The following SCHIP1 variants were observed in gnomAD, a reference collection of about 807,000 sequenced individuals.
SCHIP1 encodes schwannomin interacting protein 1, also known as schwannomin-interacting protein 1.
In SCHIP1, 8 loss-of-function variants were observed where a neutral mutation model predicts 29.7. That is an observed-to-expected ratio of 0.27 (90% CI 0.16 to 0.49). The LOEUF (loss-of-function observed/expected upper bound fraction) is 0.49, where lower values mean the gene tolerates loss of function less well. SCHIP1 is among the 20% of genes least tolerant of loss of function. The pLI, the probability that SCHIP1 is intolerant of heterozygous loss-of-function variation, is 0.99. For synonymous variants in SCHIP1, 76 were observed against 94.9 expected (o/e 0.80, Z 1.16); for missense variants, 193 against 294.6 (o/e 0.66, Z 2.52).
At chr3:159,332,861 A>G in the SCHIP1 span, among the ~76,000 whole-genome samples, 28 of 152,352 alleles carry the variant, frequency 1.8e-4, no homozygotes, top group Admixed American at 1.6e-3. Flanking sequence ...ATCAATTACA[A>G]AGCAGTTAAG....
At chr3:159,405,401 A>G in the SCHIP1 span, among the ~76,000 whole-genome samples, 2 of 152,234 alleles carry the variant, frequency 1.3e-5, no homozygotes, top group Non-Finnish European at 2.9e-5. Context: ...TCAAGATAAC[A>G]TAGAGAAGGA....
the SCHIP1 span, among the ~76,000 whole-genome samples, chr3:159,790,021 G>A: frequency 5.9e-5 from 9 of 152,258 alleles, no homozygotes; most frequent in South Asian, 6.2e-4. Flanking sequence ...CGCTCCCACC[G>A]CCAGAAGGGT....
At chr3:159,855,359 C>T (rs907929364) in intron 1 of SCHIP1, among the ~76,000 whole-genome samples, 3 of 152,022 alleles carry the variant, frequency 2.0e-5, no homozygotes, top group Non-Finnish European at 2.9e-5. Flanking sequence ...AAAATAGTTA[C>T]CTAGTATAAA....
the SCHIP1 span, among the ~76,000 whole-genome samples, chr3:159,301,037 G>A: frequency 7.4e-4 from 113 of 152,206 alleles, no homozygotes; most frequent in African/African-American, 2.5e-3. Context: ...GTACTATTAT[G>A]TAGTACCACT....
At chr3:159,334,220 G>A in the SCHIP1 span, among the ~76,000 whole-genome samples, 2 of 152,120 alleles carry the variant, frequency 1.3e-5, no homozygotes, top group Admixed American at 6.6e-5. Context: ...ATCTGAAAGT[G>A]TACGAAGAGG....
chr3:159,846,812 T>C (rs1481245230), intron 1 of SCHIP1, among the ~76,000 whole-genome samples: 18 of 152,212 alleles, frequency 1.2e-4, no homozygotes. Flanking sequence ...GATATAGTTC[T>C]GTTTTTCCAA....
At chr3:159,660,170 T>C in the SCHIP1 span, among the ~76,000 whole-genome samples, 4 of 151,652 alleles carry the variant, frequency 2.6e-5, no homozygotes, top group Admixed American at 2.6e-4. Flanking sequence ...CAGGAAAGAG[T>C]GCTGGGGGCA....
chr3:159,397,424 G>A, the SCHIP1 span, among the ~76,000 whole-genome samples: 2 of 152,118 alleles, frequency 1.3e-5, no homozygotes, highest in Admixed American at 1.3e-4. Flanking sequence ...CAGTCTTTCT[G>A]TTCTTTTTTT....
At chr3:159,318,282 G>A in the SCHIP1 span, among the ~76,000 whole-genome samples, 1 of 152,184 alleles carries the variant, frequency 6.6e-6, no homozygotes, top group South Asian at 2.1e-4. Context: ...CACTCAGAGA[G>A]GTCCATCCAC....
At chr3:159,851,036 G>T (rs376872067) in intron 1 of SCHIP1, among the ~76,000 whole-genome samples, 1 of 152,166 alleles carries the variant, frequency 6.6e-6, no homozygotes, top group Non-Finnish European at 1.5e-5. Context: ...TACTTTTGGA[G>T]GCCAAGATAG....
At chr3:159,413,511 T>C in the SCHIP1 span, among the ~76,000 whole-genome samples, 5 of 152,152 alleles carry the variant, frequency 3.3e-5, no homozygotes, top group Non-Finnish European at 5.9e-5. Flanking sequence ...GAGGGCCCAT[T>C]AAGTGTTCCA....
At chr3:159,733,325 C>G in the SCHIP1 span, among the ~76,000 whole-genome samples, 3 of 152,282 alleles carry the variant, frequency 2.0e-5, no homozygotes, top group East Asian at 3.9e-4. Context: ...ATGTGTTTCT[C>G]TCTAAGATTG....
At chr3:159,748,035 C>A in the SCHIP1 span, among the ~76,000 whole-genome samples, 1 of 152,078 alleles carries the variant, frequency 6.6e-6, no homozygotes, top group East Asian at 1.9e-4. Flanking sequence ...ATTTTATGTC[C>A]ATTTTATTTG....
the SCHIP1 span, among the ~76,000 whole-genome samples, chr3:159,395,218 T>C: frequency 6.6e-6 from 1 of 152,208 alleles, no homozygotes; most frequent in African/African-American, 2.4e-5. Context: ...CTTTTTTTCT[T>C]TATTAGTCTT....
chr3:159,818,883 T>A, the SCHIP1 span, among the ~76,000 whole-genome samples: 1 of 152,402 alleles, frequency 6.6e-6, no homozygotes, highest in South Asian at 2.1e-4. Flanking sequence ...TGTGTGGTCC[T>A]TACCCTCTGT....
At chr3:159,403,166 A>G in the SCHIP1 span, among the ~76,000 whole-genome samples, 1 of 152,172 alleles carries the variant, frequency 6.6e-6, no homozygotes. Context: ...ATAATCAAGA[A>G]ATGTATTTAC....
the SCHIP1 span, among the ~76,000 whole-genome samples, chr3:159,281,621 C>T: frequency 9.9e-5 from 15 of 152,162 alleles, no homozygotes; most frequent in East Asian, 2.9e-3. Flanking sequence ...GTACAGTGAT[C>T]ACTAATTTAT....
the SCHIP1 span, among the ~76,000 whole-genome samples, chr3:159,526,004 TCA>T: frequency 2.0e-5 from 3 of 152,238 alleles, no homozygotes; most frequent in African/African-American, 7.2e-5. Flanking sequence ...ATCCTTCACT[TCA>T]CAGTTTTTCT....
the SCHIP1 span, among the ~76,000 whole-genome samples, chr3:159,454,342 G>A: frequency 6.6e-6 from 1 of 152,142 alleles, no homozygotes; most frequent in Non-Finnish European, 1.5e-5. Context: ...GGATGGGGGT[G>A]GGGGCTGGTG....
Sources: gnomAD v4.1 joint callset for allele counts (sites outside exome capture counted in the v4.1 genomes callset) on GRCh38, gnomAD v4.1.1 for gene constraint, MANE v1.5 for transcripts, NCBI Gene and HGNC (gene_info 2026-07-23, HGNC 2026-07-21) for gene names.